Variants in MCCC1 observed in about 807,000 individuals in gnomAD.
MCCC1 encodes the protein methylcrotonyl-CoA carboxylase subunit 1, also known as methylcrotonoyl-CoA carboxylase subunit alpha, mitochondrial.
In MCCC1, 64 loss-of-function variants were observed where a neutral mutation model predicts 83.8. That is an observed-to-expected ratio of 0.76 (90% CI 0.62 to 0.94). The LOEUF is 0.94. Among genes scored for constraint, MCCC1 ranks in the 40% least tolerant of loss-of-function variants. The pLI, the probability that MCCC1 is intolerant of heterozygous loss-of-function variation, is 0.00. For synonymous variants in MCCC1, 322 were observed against 315.4 expected (o/e 1.02, Z -0.22); for missense variants, 807 against 904.7 (o/e 0.89, Z 1.39).
Position 183,099,368 on chromosome 3 carries a change from G to T in MCCC1, c.73C>A (p.Leu25Met). Residue 25 changes from leucine (L) to methionine (M), a missense_variant, in exon 1 of 19, where the codon CTG (leucine) becomes ATG (methionine). Transcript: ENST00000265594. The part of the protein sequence containing the change: ...ERNRWHRLPS[L>M]LLPPRTWVWR... The stretch of plus-strand genomic sequence containing the variant: ...TCCACCCACCTCGGCGGCAGGAGCA[G>T]GCTCGGGAGACGATGCCACCGGTTC... 1 of 1,601,630 alleles carries T rather than the reference G, an allele frequency of 6.2e-7. No individual in the cohort carries two copies. The highest frequency in any genetic ancestry group is 2.3e-5 in the East Asian group (1 of 44,292).
exon 1 of MCCC1, chr3:183,116,001 C>T (rs1033837276): frequency 6.6e-6 from 1 of 152,218 alleles, no homozygotes; most frequent in Non-Finnish European, 1.5e-5. Flanking sequence ...CTGAAGAGCC[C>T]CCTCAAGTAG....
At chr3:183,025,647 G>C (rs927078092) in intron 15 of MCCC1, 108 bp downstream of exon 15, 89 of 1,008,734 alleles carry the variant, frequency 8.8e-5, no homozygotes, top group Non-Finnish European at 1.3e-4. Context: ...CTTAACTACA[G>C]TCATAATAGT....
intron 8 of MCCC1, among the ~76,000 whole-genome samples, chr3:183,055,532 C>G (rs1256915126): frequency 6.6e-6 from 1 of 152,208 alleles, no homozygotes; most frequent in Non-Finnish European, 1.5e-5. Context: ...GCAGATATTA[C>G]TCAGCATAAT....
chr3:183,075,718 T>G (rs1467335343), intron 4 of MCCC1, among the ~76,000 whole-genome samples: 1 of 152,084 alleles, frequency 6.6e-6, no homozygotes, highest in Non-Finnish European at 1.5e-5. Context: ...TCTTTTTGTA[T>G]TTTTAGTAGA....
At chr3:183,107,408 C>CA (rs1274909684) in intron 1 of MCCC1, among the ~76,000 whole-genome samples, 1,388 of 89,480 alleles carry the variant, frequency 0.016, 18 homozygotes, top group African/African-American at 0.038. Context: ...AACTCCATCT[C>CA]AAAAAAAAAA....
chr3:183,031,845 T>C (rs777089134), intron 14 of MCCC1, among the ~76,000 whole-genome samples: 3 of 151,478 alleles, frequency 2.0e-5, no homozygotes, highest in Non-Finnish European at 4.4e-5. Flanking sequence ...ATTTTTATTT[T>C]ATAAATAGGG....
intron 3 of MCCC1, among the ~76,000 whole-genome samples, chr3:183,091,862 A>C (rs111548965): frequency 0.2 from 30,605 of 151,784 alleles, 3,325 homozygotes; most frequent in Middle Eastern, 0.27. Context: ...CACGGTGAAA[A>C]CCTGTCTCTA....
chr3:183,017,281 G>C lies in MCCC1; in HGVS notation c.2034C>G (p.Ile678Met). ...ATTTCCTTACCTCCATCTTCATGGC[G>C]ATCATAACCATGAGGGAATCTCCCG... ...VKAGDSLMVM[I>M]AMKMEHTIKS... Residue 678 changes from isoleucine to methionine, a missense_variant, in exon 18 of 19, where the codon ATC becomes ATG. Physicochemically the swap from Ile to Met is conservative, Grantham distance 10 (BLOSUM62 1). Coordinates refer to ENST00000265594, the MANE Select transcript of MCCC1 (RefSeq NM_020166.5). The C allele has an allele frequency of 6.2e-7, 1 of 1,613,698 alleles. No homozygotes were observed. The highest frequency in any genetic ancestry group is 8.5e-7 in the Non-Finnish European group (1 of 1,179,884).
chr3:183,037,140 G>T, intron 13 of MCCC1, 78 bp downstream of exon 13: 2 of 1,342,850 alleles, frequency 1.5e-6, no homozygotes, highest in Non-Finnish European at 2.1e-6. Context: ...AGGTCAGTGT[G>T]CCATACAGAA....
chr3:183,092,247 T>C, intron 3 of MCCC1, 162 bp downstream of exon 3: 1 of 791,420 alleles, frequency 1.3e-6, no homozygotes, highest in South Asian at 1.7e-5. Flanking sequence ...CAACTGATGT[T>C]ATATCTGAAA....
Position 183,092,429 on chromosome 3 carries a change from T to C in MCCC1, c.253A>G (p.Asn85Asp), listed in dbSNP as rs1208373817. The C allele has an allele frequency of 6.2e-7, 1 of 1,614,110 alleles. No homozygotes were observed. Among genetic ancestry groups the C allele is most frequent in the Non-Finnish European group, 8.5e-7 (1 of 1,180,052 alleles). ...CATACCATATCTACATGCATGGAAT[T>C]TCTGTCAGCCTCACTATAAACCGCC... ...TVAVYSEADRNSMHVDMADEA... is the reference protein window; with the variant it reads ...TVAVYSEADRDSMHVDMADEA... Residue 85 changes from asparagine (N) to aspartate (D), a missense_variant, in exon 3 of 19, where the codon AAT (asparagine) becomes GAT (aspartate). Asn to Asp is a conservative substitution (Grantham distance 23, BLOSUM62 1). Coordinates refer to ENST00000265594, the MANE Select transcript of MCCC1 (RefSeq NM_020166.5).
At chr3:183,068,045 C>G (rs1716385440) in intron 7 of MCCC1, among the ~76,000 whole-genome samples, 1 of 152,160 alleles carries the variant, frequency 6.6e-6, no homozygotes, top group African/African-American at 2.4e-5. Flanking sequence ...TCACCCCATT[C>G]AGCCTGAAGA....
upstream of MCCC1, among the ~76,000 whole-genome samples, chr3:183,103,225 A>T (rs949785449): frequency 2.0e-5 from 3 of 152,096 alleles, no homozygotes; most frequent in Non-Finnish European, 4.4e-5. Flanking sequence ...AAGAGTGAGC[A>T]GCCGCAGGAT....
chr3:183,038,938 C>G lies in MCCC1; in HGVS notation c.1377+88G>C, dbSNP rs530463437. 9.3e-6 allele frequency: 11 copies of G among 1,184,120 alleles called. No individual in the cohort carries two copies. The African/African-American group carries it at 1.2e-4, about 13-fold the overall frequency. 73.4% of individuals were successfully genotyped at this position (1,184,120 alleles called of 1,614,324 possible). On this transcript the variant is annotated intron_variant, in intron 12 of 18. Coordinates refer to ENST00000265594, the MANE Select transcript of MCCC1 (RefSeq NM_020166.5). ...TTGATGGAAATAGAAAATATGCTGACGAGACCAAGGCCCTGCCAAAGACAA... is the reference window on the plus strand; with the variant it reads ...TTGATGGAAATAGAAAATATGCTGAGGAGACCAAGGCCCTGCCAAAGACAA...
At chr3:183,077,464 T>G (rs971155500) in intron 4 of MCCC1, among the ~76,000 whole-genome samples, 2 of 152,190 alleles carry the variant, frequency 1.3e-5, no homozygotes, top group Non-Finnish European at 2.9e-5. Flanking sequence ...ACCAAGGTTT[T>G]GATTTGTATT....
chr3:183,022,848 A>G (rs1484817058), intron 15 of MCCC1: 2 of 212,512 alleles, frequency 9.4e-6, no homozygotes, highest in African/African-American at 2.3e-5. Flanking sequence ...AGCATTAAAA[A>G]TATGAAACAA....
chr3:183,019,686 AC>A (rs1577234765), intron 17 of MCCC1, among the ~76,000 whole-genome samples: 1 of 152,204 alleles, frequency 6.6e-6, no homozygotes, highest in East Asian at 1.9e-4. Context: ...TGAATTATAT[AC>A]TGCATTCAAC....
intron 7 of MCCC1, 120 bp downstream of exon 7, chr3:183,070,879 T>C: frequency 8.2e-7 from 1 of 1,221,920 alleles, no homozygotes; most frequent in Non-Finnish European, 1.2e-6. Context: ...AGGACAGAAC[T>C]GGGAAACTTG....
At chr3:183,078,868 T>C (rs1717278293) in intron 4 of MCCC1, among the ~76,000 whole-genome samples, 1 of 152,196 alleles carries the variant, frequency 6.6e-6, no homozygotes. Context: ...CTCGCAATCA[T>C]GGCGGAAGGC....
Sources: gnomAD v4.1 joint callset for allele counts (sites outside exome capture counted in the v4.1 genomes callset) on GRCh38, gnomAD v4.1.1 for gene constraint, MANE v1.5 for transcripts, NCBI Gene and HGNC (gene_info 2026-07-23, HGNC 2026-07-21) for gene names.